The following ERCC2 variants were observed in gnomAD, a reference collection of about 807,000 sequenced individuals.
The protein encoded by ERCC2 is ERCC excision repair 2, TFIIH core complex helicase subunit.
A neutral mutation model predicts 99.4 loss-of-function variants in ERCC2; 90 were observed. The ratio of observed to expected loss-of-function variants is 0.91; its 90% CI spans 0.76 to 1.08. ERCC2 has a LOEUF of 1.08. ERCC2 is among the 50% of genes least tolerant of loss of function. ERCC2 has a pLI of 0.00. For synonymous variants in ERCC2, 497 were observed against 432.4 expected (o/e 1.15, Z -1.85); for missense variants, 993 against 1,038.1 (o/e 0.96, Z 0.60).
chr19:45,358,607 C>A (rs1972097114), intron 12 of ERCC2: 6 of 530,924 alleles, frequency 1.1e-5, no homozygotes, highest in Non-Finnish European at 2.0e-5. Flanking sequence ...CTCAGTCCCC[C>A]CAGGGCCTTT....
In ERCC2 at chr19:45,349,984, A is replaced by C. The variant is rs1338142517; in HGVS notation, c.*1645T>G. The C allele has an allele frequency of 4.7e-6, 2 of 421,316 alleles. No individual in the cohort carries two copies. The highest frequency in any genetic ancestry group is 4.1e-5 in the East Asian group (1 of 24,512). The allele number at this position is 421,316 out of a possible 1,614,324, so 26.1% of individuals were successfully genotyped here. On this transcript the variant is annotated 3_prime_UTR_variant, in exon 23 of 23. Transcript: ENST00000391945. ...AAGACTGAGGCACCGAGGCCATGCC[A>C]CCAGCCCAAAGTACAGCAGACAGGC...
chr19:45,351,302 T>C lies in ERCC2; in HGVS notation c.*327A>G. 3 of 1,612,646 alleles carry C rather than the reference T, an allele frequency of 1.9e-6. No individual in the cohort carries two copies. The highest frequency in any genetic ancestry group is 1.1e-5 in the South Asian group (1 of 91,078). On this transcript the variant is annotated 3_prime_UTR_variant, in exon 23 of 23. Transcript: ENST00000391945. ...TGTCTCCAGTTTCCCAGCTGGCACC[T>C]GGACAAGGCCCCTCGGACCCTCAGC...
In ERCC2 at chr19:45,354,762, T is replaced by A; in HGVS notation, c.1633A>T (p.Met545Leu). The A allele has an allele frequency of 1.2e-6, 2 of 1,613,964 alleles. No individual in the cohort carries two copies. The highest frequency in any genetic ancestry group is 1.7e-6 in the Non-Finnish European group (2 of 1,179,944). Residue 545 changes from methionine to leucine, a missense_variant, in exon 17 of 23, where the codon ATG becomes TTG. By Grantham distance (15) the Met-to-Leu change is conservative. This residue lies in a region of ERCC2 where 909 missense variants were observed against 930.8 expected (regional missense o/e 0.98). Coordinates refer to ENST00000391945, the MANE Select transcript of ERCC2 (RefSeq NM_000400.4). ...IVAFFTSYQYMESTVASWYEQ... is the reference protein window; with the variant it reads ...IVAFFTSYQYLESTVASWYEQ... ...TACCAGGAGGCCACGGTGCTCTCCATGTACTGGTAGCTGGTGAAGAAGGCC... is the reference window on the plus strand; with the variant it reads ...TACCAGGAGGCCACGGTGCTCTCCAAGTACTGGTAGCTGGTGAAGAAGGCC...
In ERCC2 at chr19:45,352,272, G is replaced by T. The variant is rs147128863; in HGVS notation, c.2127C>A (p.Thr709=). ...TGGCCACCTGGACACCCTCGTCCAC[G>T]GTCAGGTTGAGGTTGGCATCTGTGA... ...EHLTDANLNL[T]VDEGVQVAKY... The change falls in exon 22 of 23, where the codon ACC becomes ACA. Residue 709 remains threonine, a synonymous_variant. Coordinates refer to ENST00000391945, the MANE Select transcript of ERCC2 (RefSeq NM_000400.4). 6.2e-7 allele frequency: 1 copy of T among 1,614,078 alleles called. No homozygotes were observed. Among genetic ancestry groups the T allele is most frequent in the South Asian group, 1.1e-5 (1 of 91,074 alleles).
rs1175318199 is a variant in ERCC2, at chr19:45,357,383, C to T, written c.1378-12G>A. 6.2e-7 allele frequency: 1 copy of T among 1,612,266 alleles called. No individual in the cohort carries two copies. The highest frequency in any genetic ancestry group is 8.5e-7 in the Non-Finnish European group (1 of 1,178,490). On this transcript the variant is annotated splice_polypyrimidine_tract_variant and intron_variant, in intron 14 of 22. Transcript: ENST00000391945. ...AGCGGGGACAGTGTCTGTGGCGGGA[C>T]AGTGGGAGGGATCTCAGCAGGACTG...
intron 5 of ERCC2, among the ~76,000 whole-genome samples, chr19:45,366,593 C>T (rs971510906): frequency 2.6e-5 from 4 of 152,126 alleles, no homozygotes; most frequent in Non-Finnish European, 4.4e-5. Context: ...CTCCCCTTAC[C>T]CCTGACCTGC....
rs775235491 is a variant in ERCC2 at position 45,365,138 on chromosome 19, C to A, written c.381G>T (p.Gly127=). Residue 127 remains glycine (G), a synonymous_variant, in exon 6 of 23, where the codon GGG becomes GGT. Transcript: ENST00000391945. Reference sequence around the variant, plus strand: ...TGTGGCATTTCCCATCGACGTCCTTCCCAAAGCGCAGGGGTGTCACCTGGG... The same window carrying A: ...TGTGGCATTTCCCATCGACGTCCTTACCAAAGCGCAGGGGTGTCACCTGGG... ...IHPEVTPLRF[G]KDVDGKCHSL... 5 of 1,614,070 alleles carry A rather than the reference C, an allele frequency of 3.1e-6. No individual in the cohort carries two copies. The Admixed American group carries it at 5.0e-5, about 16-fold the overall frequency.
chr19:45,350,899 T>G lies in ERCC2; in HGVS notation c.*730A>C. On this transcript the variant is annotated 3_prime_UTR_variant, in exon 23 of 23. Transcript: ENST00000391945. ...AACCCTGTGCTGGAAAGGTCCCTCG[T>G]GGAGGGGGGCCACTCCTGGATTCAC... The G allele has an allele frequency of 6.3e-7, 1 of 1,580,382 alleles. No homozygotes were observed. The highest frequency in any genetic ancestry group is 1.7e-5 in the Admixed American group (1 of 59,628).
intron 5 of ERCC2, among the ~76,000 whole-genome samples, chr19:45,366,060 C>T (rs1972416047): frequency 6.6e-6 from 1 of 151,880 alleles, no homozygotes; most frequent in African/African-American, 2.4e-5. Context: ...TGGTCTCAAA[C>T]TCCTGGTCTC....
In ERCC2 at chr19:45,351,402, G is replaced by C. The variant is rs1971768011; in HGVS notation, c.*227C>G. On this transcript the variant is annotated 3_prime_UTR_variant, in exon 23 of 23. Coordinates refer to ENST00000391945, the MANE Select transcript of ERCC2 (RefSeq NM_000400.4). Reference sequence around the variant, plus strand: ...GCCGCAGCTTCTTGGGAACAGTGCAGGAGGGATGGGCTGGTGGGGTGAGAG... The same window carrying C: ...GCCGCAGCTTCTTGGGAACAGTGCACGAGGGATGGGCTGGTGGGGTGAGAG... 6.2e-7 allele frequency: 1 copy of C among 1,602,242 alleles called. No individual in the cohort carries two copies. The highest frequency in any genetic ancestry group is 8.5e-7 in the Non-Finnish European group (1 of 1,177,688).
In ERCC2 at chr19:45,351,050, G is replaced by A. The variant is rs976557090; in HGVS notation, c.*579C>T. On this transcript the variant is annotated 3_prime_UTR_variant, in exon 23 of 23. Transcript: ENST00000391945. ...GGACATCTGGGTCAAAAATAGAGGA[G>A]GCCATGTGGGTAGGTGCAGAGATGA... 6 of 1,613,870 alleles carry A rather than the reference G, an allele frequency of 3.7e-6. No homozygotes were observed. The highest frequency in any genetic ancestry group is 1.3e-5 in the African/African-American group (1 of 74,900).
chr19:45,364,018 G>A lies in ERCC2; in HGVS notation c.917C>T (p.Ala306Val), dbSNP rs1343419778. 7.1e-6 allele frequency: 11 copies of A among 1,550,128 alleles called. No individual in the cohort carries two copies. The highest frequency in any genetic ancestry group is 3.9e-5 in the Admixed American group (2 of 51,398). Residue 306 changes from alanine (A) to valine (V), a missense_variant, in exon 10 of 23, where the codon GCC becomes GTC. By Grantham distance (64) the Ala-to-Val change is moderately conservative. Around this residue, in one of 3 missense-constraint regions of ERCC2, gnomAD observed 909 missense variants for 930.8 expected, o/e 0.98. Transcript: ENST00000391945. ...CACTTCGTCGGGCAGCACGGGGTTG[G>A]CCAGGTGGGCGTCCGTCTCCCGGGC... ...SAARETDAHLANPVLPDEVLQ... is the reference protein window; with the variant it reads ...SAARETDAHLVNPVLPDEVLQ...
In ERCC2 at chr19:45,350,718, C is replaced by G. The variant is rs1568527962; in HGVS notation, c.*911G>C. The G allele has an allele frequency of 6.2e-7, 1 of 1,613,274 alleles. No homozygotes were observed. The highest frequency in any genetic ancestry group is 8.5e-7 in the Non-Finnish European group (1 of 1,179,776). ...GAAGTGAGAAGCTGGTCTCCCGGCTCCGAGGCGAGGCGGCGGCAGGAGCAG... is the reference window on the plus strand; with the variant it reads ...GAAGTGAGAAGCTGGTCTCCCGGCTGCGAGGCGAGGCGGCGGCAGGAGCAG... On this transcript the variant is annotated 3_prime_UTR_variant, in exon 23 of 23. Coordinates refer to ENST00000391945, the MANE Select transcript of ERCC2 (RefSeq NM_000400.4).
chr19:45,370,510 A>T, intron 1 of ERCC2, 26 bp downstream of exon 1: 1 of 1,404,232 alleles, frequency 7.1e-7, no homozygotes, highest in Non-Finnish European at 9.4e-7. Context: ...CCCGCTAGCG[A>T]GCGCGACCCC....
At position 45,364,040 on chromosome 19, in the gene ERCC2, G is replaced by A. The variant is rs760337216; in HGVS notation, c.895C>T (p.Arg299Trp). Residue 299 changes from arginine to tryptophan, a missense_variant, in exon 10 of 23, where the codon CGG (arginine) becomes TGG (tryptophan). Physicochemically the swap from Arg to Trp is moderately radical, Grantham distance 101. Coordinates refer to ENST00000391945, the MANE Select transcript of ERCC2 (RefSeq NM_000400.4). ...VEGLREASAARETDAHLANPV... is the reference protein window; with the variant it reads ...VEGLREASAAWETDAHLANPV... ...TTGGCCAGGTGGGCGTCCGTCTCCC[G>A]GGCGGCGCTGGCCTCCCGCAGCCCC... The A allele has an allele frequency of 2.6e-6, 4 of 1,563,346 alleles. No individual in the cohort carries two copies. Among genetic ancestry groups the A allele is most frequent in the Non-Finnish European group, 2.6e-6 (3 of 1,155,008 alleles).
rs777752069 is a variant in ERCC2, at chr19:45,364,968, G to A, written c.478-14C>T. 6 of 1,610,516 alleles carry A rather than the reference G, an allele frequency of 3.7e-6. No homozygotes were observed. In the African/African-American group the frequency reaches 4.0e-5, roughly 11 times the overall value. On this transcript the variant is annotated splice_polypyrimidine_tract_variant and intron_variant, in intron 6 of 22. Transcript: ENST00000391945. ...GGCATCAAATTCCTGGGACAAGAGT[G>A]CCAGGGGTCAGGGAGGCTGCCTGCC...
intron 11 of ERCC2, among the ~76,000 whole-genome samples, chr19:45,362,778 CCA>C (rs1156565840): frequency 6.6e-6 from 1 of 152,208 alleles, no homozygotes; most frequent in Non-Finnish European, 1.5e-5. Context: ...ATGGGCAAAC[CCA>C]CATGGAAGGT....
In ERCC2 at chr19:45,351,362, C is replaced by T. The variant is rs774028502; in HGVS notation, c.*267G>A. 3.1e-6 allele frequency: 5 copies of T among 1,609,986 alleles called. No individual in the cohort carries two copies. Among genetic ancestry groups the T allele is most frequent in the East Asian group, 4.5e-5 (2 of 44,890 alleles). On this transcript the variant is annotated 3_prime_UTR_variant, in exon 23 of 23. Coordinates refer to ENST00000391945, the MANE Select transcript of ERCC2 (RefSeq NM_000400.4). ...CAGGACCTGAGCCCCCACTAACGTC[C>T]AGTGAACTGCGCTGGCCGCAGCTTC...
chr19:45,365,165 G>A lies in ERCC2; in HGVS notation c.361-7C>T. The A allele has an allele frequency of 1.9e-6, 3 of 1,610,672 alleles. No homozygotes were observed. The highest frequency in any genetic ancestry group is 1.7e-4 in the Middle Eastern group (1 of 6,056). On this transcript the variant is annotated splice_polypyrimidine_tract_variant and splice_region_variant and intron_variant, in intron 5 of 22. Coordinates refer to ENST00000391945, the MANE Select transcript of ERCC2 (RefSeq NM_000400.4). Reference sequence around the variant, plus strand: ...CAAAGCGCAGGGGTGTCACCTGGGGGTGTGGGGCATCTTAGCACCCAGACA... The same window carrying A: ...CAAAGCGCAGGGGTGTCACCTGGGGATGTGGGGCATCTTAGCACCCAGACA...
Sources: gnomAD v4.1 joint callset for allele counts (sites outside exome capture counted in the v4.1 genomes callset) on GRCh38, gnomAD v4.1.1 for gene constraint, gnomAD v4.1.1 regional missense constraint, MANE v1.5 for transcripts, NCBI Gene and HGNC (gene_info 2026-07-23, HGNC 2026-07-21) for gene names.